RPTOR: variants seen among roughly 807,000 people sequenced by gnomAD.
RPTOR encodes regulatory-associated protein of mTOR.
In RPTOR, 21 loss-of-function variants were observed where a neutral mutation model predicts 169.9. The observed-to-expected ratio is 0.12, with a 90% CI of 0.09 to 0.18. The LOEUF is 0.18. Among genes scored for constraint, RPTOR ranks in the 10% least tolerant of loss-of-function variants. The pLI, the probability that RPTOR is intolerant of heterozygous loss-of-function variation, is 1.00. For synonymous variants in RPTOR, 732 were observed against 753.2 expected, an observed-to-expected ratio of 0.97 and a Z score of 0.46; for missense variants, 1,133 against 1,855.9, an observed-to-expected ratio of 0.61 and a Z score of 7.16.
At chr17:80,634,787 ATGTGCATACTGTG>A (rs1365771285) in intron 2 of RPTOR, among the ~76,000 whole-genome samples, 2 of 62,698 alleles carry the variant, frequency 3.2e-5, no homozygotes, top group African/African-American at 6.4e-5. Flanking sequence ...TACTGTGTGC[ATGTGCATACTGTG>A]TGTGCATACT....
At chr17:80,743,401 C>A (rs1222948646) in intron 5 of RPTOR, 1 of 985,360 alleles carries the variant, frequency 1.0e-6, no homozygotes, top group Admixed American at 6.2e-5. Flanking sequence ...AGCCGTAGAA[C>A]GTAAGAAGTT....
intron 21 of RPTOR, among the ~76,000 whole-genome samples, chr17:80,913,055 T>A (rs887877859): frequency 2.0e-5 from 3 of 152,206 alleles, no homozygotes; most frequent in Non-Finnish European, 4.4e-5. Flanking sequence ...TGTATATGTG[T>A]GTGGGTTTAA....
chr17:80,656,539 A>G (rs2065681213), intron 3 of RPTOR, among the ~76,000 whole-genome samples: 1 of 152,212 alleles, frequency 6.6e-6, no homozygotes. Flanking sequence ...AAACCCTTCT[A>G]TGTGCCTTCT....
intron 10 of RPTOR, among the ~76,000 whole-genome samples, chr17:80,839,968 C>T (rs574644797): frequency 6.6e-6 from 1 of 152,172 alleles, no homozygotes; most frequent in Non-Finnish European, 1.5e-5. Flanking sequence ...GGTGTCAGGA[C>T]AAGCCGGGGA....
chr17:80,890,696 C>A (rs2068311208), intron 17 of RPTOR, among the ~76,000 whole-genome samples: 1 of 152,208 alleles, frequency 6.6e-6, no homozygotes, highest in African/African-American at 2.4e-5. Flanking sequence ...AGGTGAAGAG[C>A]CGGCAGCTGG....
intron 20 of RPTOR, among the ~76,000 whole-genome samples, chr17:80,898,658 TC>T (rs1394704395): frequency 8.0e-4 from 6 of 7,460 alleles, no homozygotes; most frequent in South Asian, 6.3e-3. Context: ...CTGCCCCCGC[TC>T]CCCCCCCGCT....
At chr17:80,781,333 C>T (rs905917562) in intron 6 of RPTOR, among the ~76,000 whole-genome samples, 3 of 152,136 alleles carry the variant, frequency 2.0e-5, no homozygotes, top group Non-Finnish European at 4.4e-5. Flanking sequence ...GCCTTCGGTT[C>T]CCTCATCGTA....
chr17:80,871,950 C>T (rs1457865224), intron 13 of RPTOR, among the ~76,000 whole-genome samples: 4 of 152,030 alleles, frequency 2.6e-5, no homozygotes, highest in Admixed American at 1.3e-4. Context: ...TAGTCAGGAA[C>T]GCGCCTGTGC....
At chr17:80,764,423 G>A (rs1222562831) in intron 6 of RPTOR, among the ~76,000 whole-genome samples, 1 of 148,756 alleles carries the variant, frequency 6.7e-6, no homozygotes, top group Non-Finnish European at 1.5e-5. Flanking sequence ...TTGGTTTTTT[G>A]TCCTTGCAAT....
At chr17:80,794,446 A>AACTC (rs1304401612) in intron 7 of RPTOR, among the ~76,000 whole-genome samples, 1 of 152,204 alleles carries the variant, frequency 6.6e-6, no homozygotes, top group Non-Finnish European at 1.5e-5. Flanking sequence ...CAGTGTTGAG[A>AACTC]ACTCACATCA....
chr17:80,656,410 T>C lies in RPTOR; in HGVS notation c.348+12600T>C, dbSNP rs191114385. 2.0e-5 allele frequency among the ~76,000 whole-genome samples: 3 copies of C among 152,290 alleles called. No homozygotes were observed. In the East Asian group the frequency reaches 5.8e-4, roughly 29 times the overall value. On this transcript the variant is annotated intron_variant, in intron 3 of 33. Transcript: ENST00000306801. Reference sequence around the variant, plus strand: ...TCAGGTCTGTACTGACTTCAGAATCTAACTCCAGAATAAAATTTGATTCTA... The same window carrying C: ...TCAGGTCTGTACTGACTTCAGAATCCAACTCCAGAATAAAATTTGATTCTA...
At chr17:80,750,517 G>A (rs1289442074) in intron 5 of RPTOR, among the ~76,000 whole-genome samples, 5 of 152,128 alleles carry the variant, frequency 3.3e-5, no homozygotes, top group African/African-American at 1.2e-4. Flanking sequence ...GCAGGAGTCA[G>A]CACTTCCTCA....
intron 3 of RPTOR, among the ~76,000 whole-genome samples, chr17:80,655,689 C>G (rs143785016): frequency 1.8e-3 from 281 of 152,034 alleles, no homozygotes; most frequent in South Asian, 0.011. Context: ...ATCCTCCTGC[C>G]TCAGCCTCAG....
Position 80,945,773 on chromosome 17 carries a change from C to T in RPTOR, c.3132C>T (p.Asp1044=). 1 of 1,608,668 alleles carries T rather than the reference C, an allele frequency of 6.2e-7. No homozygotes were observed. Residue 1044 remains aspartate, a synonymous_variant, in exon 26 of 34, where the codon GAC becomes GAT. Coordinates refer to ENST00000306801, the MANE Select transcript of RPTOR (RefSeq NM_020761.3). ...CGTGCATCGCCGTAGCCGACAAGGA[C>T]AGCATCTGGTATGCACCGCGCTGGT... is the stretch of plus-strand genomic sequence containing the variant. ...FTPCIAVADK[D]SICFWDWEKG...
intron 2 of RPTOR, among the ~76,000 whole-genome samples, chr17:80,632,521 A>G (rs1176390300): frequency 1.7e-4 from 26 of 152,256 alleles, no homozygotes; most frequent in Admixed American, 1.7e-3. Context: ...TGAAAGATCC[A>G]GCAAATGAGA....
At chr17:80,832,999 T>TTA (rs376110972) in intron 9 of RPTOR, among the ~76,000 whole-genome samples, 2 of 152,124 alleles carry the variant, frequency 1.3e-5, no homozygotes, top group African/African-American at 4.8e-5. Context: ...GGCTTTCTGT[T>TTA]TAATGTTTGA....
intron 23 of RPTOR, 109 bp from the exon 24 acceptor site, chr17:80,925,261 G>A (rs766648568): frequency 3.3e-5 from 29 of 868,530 alleles, no homozygotes; most frequent in Middle Eastern, 2.2e-4. Context: ...GGGCAGCCCG[G>A]TGCTCCCGGC....
At chr17:80,951,950 A>C (rs1337313859) in intron 28 of RPTOR, among the ~76,000 whole-genome samples, 2 of 152,204 alleles carry the variant, frequency 1.3e-5, no homozygotes, top group African/African-American at 4.8e-5. Context: ...GTGTCCTTAC[A>C]AGAAGAGGCC....
chr17:80,709,157 C>G (rs1280476751), intron 4 of RPTOR: 2 of 861,266 alleles, frequency 2.3e-6, no homozygotes, highest in Admixed American at 1.2e-4. Flanking sequence ...GCAGTGCCAT[C>G]TCTCCCCGTG....
Sources: gnomAD v4.1 joint callset for allele counts (sites outside exome capture counted in the v4.1 genomes callset) on GRCh38, gnomAD v4.1.1 for gene constraint, MANE v1.5 for transcripts, NCBI Gene and HGNC (gene_info 2026-07-23, HGNC 2026-07-21) for gene names.